STAC: variants seen among roughly 807,000 people sequenced by gnomAD.
STAC encodes the protein SH3 and cysteine-rich domain-containing protein.
Under a neutral mutation model 48.8 loss-of-function variants are expected in STAC, and 43 were observed. The ratio of observed to expected loss-of-function variants is 0.88; its 90% CI spans 0.69 to 1.14. The LOEUF is 1.14. Among genes scored for constraint, STAC ranks in the 50% most tolerant of loss-of-function variants. The pLI, the probability that STAC is intolerant of heterozygous loss-of-function variation, is 0.00. For synonymous variants in STAC, 193 were observed against 179.5 expected (o/e 1.07, Z -0.60); for missense variants, 497 against 504.0 (o/e 0.99, Z 0.13).
At chr3:36,388,648 A>G (rs1699675359) in intron 1 of STAC, among the ~76,000 whole-genome samples, 1 of 152,014 alleles carries the variant, frequency 6.6e-6, no homozygotes, top group Non-Finnish European at 1.5e-5. Context: ...TCTGGAATTT[A>G]TATCATTATG....
At chr3:36,463,258 T>C (rs570202399) in intron 2 of STAC, among the ~76,000 whole-genome samples, 3 of 152,182 alleles carry the variant, frequency 2.0e-5, no homozygotes, top group Non-Finnish European at 4.4e-5. Context: ...CTTACAATTG[T>C]GTAGACAAGG....
chr3:36,443,481 G>T lies in STAC; in HGVS notation c.229G>T (p.Ala77Ser). ...CATGAAACTGCAAGCACACATGGTG[G>T]CTGAGATCAGCCCCAGCTCCAGCCC... Reference protein sequence around the residue: ...EDMKLQAHMVAEISPSSSPLP... With the variant: ...EDMKLQAHMVSEISPSSSPLP... The change falls in exon 2 of 11, where the codon GCT becomes TCT. Residue 77 changes from alanine (A) to serine (S), a missense_variant. Physicochemically the swap from Ala to Ser is moderately conservative, Grantham distance 99 (BLOSUM62 1). Transcript: ENST00000273183. This position sits in a 1 kb window ranked among gnomAD's most constrained non-coding sequence, Gnocchi z 4.2. 6.2e-7 allele frequency: 1 copy of T among 1,614,214 alleles called. No homozygotes were observed. The highest frequency in any genetic ancestry group is 8.5e-7 in the Non-Finnish European group (1 of 1,180,034).
intron 1 of STAC, among the ~76,000 whole-genome samples, chr3:36,442,706 A>T (rs1261817652): frequency 6.6e-6 from 1 of 151,190 alleles, no homozygotes; most frequent in Non-Finnish European, 1.5e-5. Flanking sequence ...GAGCAGATAA[A>T]GTCAAAAGGA....
chr3:36,499,602 G>A (rs1698233426), intron 6 of STAC, among the ~76,000 whole-genome samples: 1 of 151,972 alleles, frequency 6.6e-6, no homozygotes, highest in Non-Finnish European at 1.5e-5. Flanking sequence ...AAAATAAAAT[G>A]TTAGGAAGGA....
At chr3:36,486,972 T>C (rs574288073) in intron 5 of STAC, among the ~76,000 whole-genome samples, 1 of 152,372 alleles carries the variant, frequency 6.6e-6, no homozygotes, top group Non-Finnish European at 1.5e-5. Flanking sequence ...CCACTTAGGA[T>C]AGCCAGCTCC....
chr3:36,421,544 C>T (rs1441564871), intron 1 of STAC, among the ~76,000 whole-genome samples: 1 of 152,096 alleles, frequency 6.6e-6, no homozygotes, highest in Non-Finnish European at 1.5e-5. Flanking sequence ...CACGACCTGA[C>T]ACATGATGAT....
At chr3:36,426,422 T>C (rs572408020) in intron 1 of STAC, among the ~76,000 whole-genome samples, 1 of 152,356 alleles carries the variant, frequency 6.6e-6, no homozygotes, top group East Asian at 1.9e-4. Context: ...AGCTATTTAA[T>C]CAAAAACCAT....
At chr3:36,394,402 T>C (rs189854129) in intron 1 of STAC, among the ~76,000 whole-genome samples, 260 of 152,292 alleles carry the variant, frequency 1.7e-3, no homozygotes, top group Non-Finnish European at 2.7e-3. Flanking sequence ...TAGATTTTTA[T>C]CCAAGTTTGA....
intron 5 of STAC, among the ~76,000 whole-genome samples, chr3:36,487,993 G>A (rs1010201425): frequency 1.3e-5 from 2 of 152,178 alleles, no homozygotes; most frequent in South Asian, 4.1e-4. Context: ...GTAAATAAAG[G>A]CTGCTTAGGT....
At chr3:36,497,274 AT>A (rs1335363467) in intron 6 of STAC, among the ~76,000 whole-genome samples, 1 of 152,198 alleles carries the variant, frequency 6.6e-6, no homozygotes, top group African/African-American at 2.4e-5. Flanking sequence ...TGAACAGAAG[AT>A]TCCCTTTCCA....
chr3:36,486,063 G>A, intron 4 of STAC, 71 bp from the exon 5 acceptor site: 1 of 1,158,616 alleles, frequency 8.6e-7, no homozygotes, highest in Non-Finnish European at 1.3e-6. Flanking sequence ...GTTCACCCAG[G>A]AGATGTGGTA....
chr3:36,413,961 TG>T (rs1020775011), intron 1 of STAC, among the ~76,000 whole-genome samples: 3 of 152,236 alleles, frequency 2.0e-5, no homozygotes, highest in Non-Finnish European at 4.4e-5. Flanking sequence ...TATGAAATTC[TG>T]GGTTGAAAAT....
At chr3:36,389,102 G>A (rs573461287) in intron 1 of STAC, among the ~76,000 whole-genome samples, 37 of 152,184 alleles carry the variant, frequency 2.4e-4, no homozygotes, top group African/African-American at 7.7e-4. Context: ...TTATTGAAAC[G>A]CCTGTCTTTT....
intron 8 of STAC, among the ~76,000 whole-genome samples, chr3:36,516,220 G>T (rs1206046230): frequency 6.6e-6 from 1 of 151,930 alleles, no homozygotes; most frequent in African/African-American, 2.4e-5. Flanking sequence ...CTGACCTCGT[G>T]ATCCTCCCGT....
intron 6 of STAC, among the ~76,000 whole-genome samples, chr3:36,500,279 G>C (rs750100193): frequency 6.6e-5 from 10 of 152,194 alleles, no homozygotes; most frequent in Non-Finnish European, 1.3e-4. Flanking sequence ...AAATGAATGA[G>C]ATCATGTCCT....
At chr3:36,499,075 A>G (rs1268404208) in intron 6 of STAC, among the ~76,000 whole-genome samples, 1 of 143,412 alleles carries the variant, frequency 7.0e-6, no homozygotes, top group Non-Finnish European at 1.6e-5. Flanking sequence ...AAGCAAAACT[A>G]TCTTTCAATA....
At chr3:36,488,508 T>C (rs1697877944) in intron 5 of STAC, among the ~76,000 whole-genome samples, 1 of 152,176 alleles carries the variant, frequency 6.6e-6, no homozygotes, top group Non-Finnish European at 1.5e-5. Flanking sequence ...GGTCTTCTTA[T>C]TCTACTCTCT....
chr3:36,394,854 G>T (rs1056255571), intron 1 of STAC, among the ~76,000 whole-genome samples: 5 of 151,428 alleles, frequency 3.3e-5, no homozygotes, highest in African/African-American at 1.2e-4. Flanking sequence ...CTACACTCCG[G>T]CATGGGCAAC....
chr3:36,486,661 C>T (rs1218936045), intron 5 of STAC, among the ~76,000 whole-genome samples: 1 of 152,194 alleles, frequency 6.6e-6, no homozygotes, highest in African/African-American at 2.4e-5. Context: ...CTATTTCTCA[C>T]ATCTTTTGTC....
Sources: allele counts gnomAD v4.1 joint callset (sites outside exome capture counted in the v4.1 genomes callset), GRCh38; gene constraint gnomAD v4.1.1; non-coding constraint Gnocchi (gnomAD v3.1); transcripts MANE v1.5; gene names NCBI Gene and HGNC (gene_info 2026-07-23, HGNC 2026-07-21).